The following FSTL5 variants were observed in gnomAD, a reference collection of about 807,000 sequenced individuals.
FSTL5 encodes follistatin-related protein 5.
A neutral mutation model predicts 89.1 loss-of-function variants in FSTL5; 62 were observed. The observed-to-expected ratio is 0.70, with a 90% CI of 0.57 to 0.86. FSTL5 has a LOEUF of 0.86. FSTL5 is among the 40% of genes least tolerant of loss of function. The pLI is 0.00. For missense variants in FSTL5, 1,057 were observed against 1,001.6 expected, an observed-to-expected ratio of 1.06 and a Z score of -0.75; for synonymous variants, 383 against 346.2, an observed-to-expected ratio of 1.11 and a Z score of -1.18.
rs146819831 is a variant in FSTL5 at position 161,748,046 on chromosome 4, C to T, written c.727+11365G>A. On this transcript the variant is annotated intron_variant, in intron 6 of 15. Coordinates refer to ENST00000306100, the MANE Select transcript of FSTL5 (RefSeq NM_020116.5). ...TATAATATAATATCCTTAAGAAATT[C>T]AACTTTGTTATTTAACAAAATCGAA... Among the ~76,000 whole-genome samples the T allele has an allele frequency of 4.5e-3, 691 of 152,012 alleles. 21 individuals carry two copies. Among genetic ancestry groups the T allele is most frequent in the Admixed American group, 0.035 (538 of 15,264 alleles).
At chr4:161,543,081 C>A (rs1372639883) in intron 8 of FSTL5, among the ~76,000 whole-genome samples, 1 of 151,544 alleles carries the variant, frequency 6.6e-6, no homozygotes, top group African/African-American at 2.4e-5. Context: ...TAAATAAAAT[C>A]ATGAATTCAG....
At chr4:161,773,999 C>T (rs776321742) in intron 5 of FSTL5, among the ~76,000 whole-genome samples, 3 of 152,166 alleles carry the variant, frequency 2.0e-5, no homozygotes, top group East Asian at 1.9e-4. Flanking sequence ...TGGTGGCTCA[C>T]GCATGTAATC....
At chr4:161,630,237 G>T (rs1372238090) in intron 7 of FSTL5, among the ~76,000 whole-genome samples, 1 of 152,170 alleles carries the variant, frequency 6.6e-6, no homozygotes, top group Non-Finnish European at 1.5e-5. Context: ...CCCTTTACTG[G>T]TGCTGTTTCA....
chr4:161,672,282 T>C (rs1041554713), intron 6 of FSTL5, among the ~76,000 whole-genome samples: 2 of 152,130 alleles, frequency 1.3e-5, no homozygotes, highest in Admixed American at 1.3e-4. Context: ...ATAAATACTT[T>C]CTGTGCCCCT....
At chr4:162,036,348 T>C (rs967173286) in intron 2 of FSTL5, among the ~76,000 whole-genome samples, 4 of 152,098 alleles carry the variant, frequency 2.6e-5, no homozygotes, top group African/African-American at 9.6e-5. Flanking sequence ...GTCGTGCATA[T>C]CCTTAGTGTC....
chr4:161,394,465 C>T (rs62325014), intron 15 of FSTL5, among the ~76,000 whole-genome samples: 12,301 of 152,022 alleles, frequency 0.081, 628 homozygotes, highest in Non-Finnish European at 0.12. Flanking sequence ...TTAGTAGAGA[C>T]AGGGTTTCAC....
chr4:161,527,331 A>G (rs1214647192), intron 10 of FSTL5, among the ~76,000 whole-genome samples: 2 of 152,198 alleles, frequency 1.3e-5, no homozygotes, highest in East Asian at 3.9e-4. Context: ...GCACAGCAAA[A>G]GAAACTACCA....
chr4:161,654,761 A>C (rs1736459336), intron 7 of FSTL5, among the ~76,000 whole-genome samples: 1 of 152,074 alleles, frequency 6.6e-6, no homozygotes, highest in Non-Finnish European at 1.5e-5. Context: ...ATGAGGATAA[A>C]AAATATGAAA....
chr4:161,763,608 C>T (rs1740882044), intron 5 of FSTL5, among the ~76,000 whole-genome samples: 2 of 152,128 alleles, frequency 1.3e-5, no homozygotes, highest in African/African-American at 2.4e-5. Context: ...TTGGTGGAGA[C>T]AGGCAAGAAA....
chr4:161,757,680 G>C (rs764301177), intron 6 of FSTL5, among the ~76,000 whole-genome samples: 1 of 151,990 alleles, frequency 6.6e-6, no homozygotes, highest in Non-Finnish European at 1.5e-5. Flanking sequence ...GTGCAATTGC[G>C]TGATCTTGGC....
chr4:161,591,975 C>A (rs748656491), intron 7 of FSTL5, among the ~76,000 whole-genome samples: 7 of 152,166 alleles, frequency 4.6e-5, no homozygotes, highest in African/African-American at 1.7e-4. Context: ...CACCACACTG[C>A]CTTCCTTGTC....
chr4:161,801,657 G>C (rs1039702974), intron 4 of FSTL5, among the ~76,000 whole-genome samples: 4 of 150,748 alleles, frequency 2.7e-5, no homozygotes, highest in Non-Finnish European at 4.4e-5. Flanking sequence ...AAAACTGTAG[G>C]TGAATATTTT....
intron 1 of FSTL5, among the ~76,000 whole-genome samples, chr4:162,158,593 T>C (rs1040811325): frequency 6.6e-6 from 1 of 152,052 alleles, no homozygotes; most frequent in African/African-American, 2.4e-5. Flanking sequence ...GTACTAGACA[T>C]GTAAACTTGG....
At chr4:162,061,330 G>A (rs1199387193) in intron 2 of FSTL5, among the ~76,000 whole-genome samples, 1 of 152,146 alleles carries the variant, frequency 6.6e-6, no homozygotes, top group Non-Finnish European at 1.5e-5. Context: ...TAAAGAAGCT[G>A]CTTTGAGAAG....
At position 161,385,104 on chromosome 4, in the gene FSTL5, T is replaced by C. The variant is rs1730567158; in HGVS notation, c.*643A>G. ...AATGTCAAGTGGAGTTTGACACCTG[T>C]ATACAACCTAAGACCAACTTATGCC... On this transcript the variant is annotated 3_prime_UTR_variant, in exon 16 of 16. Coordinates refer to ENST00000306100, the MANE Select transcript of FSTL5 (RefSeq NM_020116.5). 1 of 152,538 alleles carries C rather than the reference T, an allele frequency of 6.6e-6. No homozygotes were observed. Among genetic ancestry groups the C allele is most frequent in the Non-Finnish European group, 1.5e-5 (1 of 68,076 alleles). 9.4% of individuals were successfully genotyped at this position (152,538 alleles called of 1,614,324 possible).
intron 1 of FSTL5, among the ~76,000 whole-genome samples, chr4:162,121,131 T>C (rs924156611): frequency 1.3e-5 from 2 of 151,960 alleles, no homozygotes; most frequent in South Asian, 2.1e-4. Context: ...GATATATAGA[T>C]ATATAAACAT....
chr4:161,727,727 C>T (rs1026193593), intron 6 of FSTL5, among the ~76,000 whole-genome samples: 3 of 152,102 alleles, frequency 2.0e-5, no homozygotes, highest in Non-Finnish European at 2.9e-5. Flanking sequence ...TTGCCCACTT[C>T]TGAATGAAAT....
intron 7 of FSTL5, among the ~76,000 whole-genome samples, chr4:161,628,863 T>C (rs1735402032): frequency 6.6e-6 from 1 of 152,196 alleles, no homozygotes; most frequent in Non-Finnish European, 1.5e-5. Flanking sequence ...AAGTCACTGA[T>C]CTCCAGGAAT....
intron 4 of FSTL5, among the ~76,000 whole-genome samples, chr4:161,910,829 G>T (rs1168395956): frequency 6.6e-6 from 1 of 151,978 alleles, no homozygotes; most frequent in Non-Finnish European, 1.5e-5. Context: ...CACTTAACTG[G>T]ACTACAAGTA....
Sources: allele counts gnomAD v4.1 joint callset (sites outside exome capture counted in the v4.1 genomes callset), GRCh38; gene constraint gnomAD v4.1.1; transcripts MANE v1.5; gene names NCBI Gene and HGNC (gene_info 2026-07-23, HGNC 2026-07-21).